MACROD2: variants seen among roughly 807,000 people sequenced by gnomAD.
MACROD2 encodes the protein mono-ADP ribosylhydrolase 2.
MACROD2 carries 36 observed loss-of-function variants against 70.4 expected under a neutral mutation model. The observed-to-expected ratio is 0.51, with a 90% CI of 0.39 to 0.68. The LOEUF (loss-of-function observed/expected upper bound fraction) is 0.68, where lower values mean the gene tolerates loss of function less well. Among genes scored for constraint, MACROD2 ranks in the 30% least tolerant of loss-of-function variants. MACROD2 has a pLI of 0.00. For synonymous variants in MACROD2, 172 were observed against 178.8 expected (o/e 0.96, Z 0.30); for missense variants, 496 against 538.4 (o/e 0.92, Z 0.78).
chr20:15,833,650 T>A (rs2064081905), intron 8 of MACROD2, among the ~76,000 whole-genome samples: 1 of 152,192 alleles, frequency 6.6e-6, no homozygotes, highest in East Asian at 1.9e-4. Flanking sequence ...AAAGATATTC[T>A]TAAAACAGGG....
chr20:14,383,066 C>T (rs542291497), intron 3 of MACROD2, among the ~76,000 whole-genome samples: 3 of 152,254 alleles, frequency 2.0e-5, no homozygotes, highest in South Asian at 2.1e-4. Flanking sequence ...AAAATTGATG[C>T]GTTCTTCAAG....
chr20:14,327,564 A>C (rs2122584681), intron 3 of MACROD2: 2 of 1,514,266 alleles, frequency 1.3e-6, no homozygotes, highest in East Asian at 2.3e-5. Context: ...GAACCCTAAA[A>C]TGAAGTGAGT....
intron 8 of MACROD2, among the ~76,000 whole-genome samples, chr20:15,658,979 T>A (rs554867121): frequency 6.6e-6 from 1 of 152,340 alleles, no homozygotes; most frequent in African/African-American, 2.4e-5. Flanking sequence ...AGACATATAG[T>A]AACATAGTTG....
At chr20:14,579,754 A>G (rs187833910) in intron 4 of MACROD2, among the ~76,000 whole-genome samples, 1 of 152,324 alleles carries the variant, frequency 6.6e-6, no homozygotes, top group East Asian at 1.9e-4. Context: ...ATATCTTTGT[A>G]TACTTGAATT....
Position 14,713,942 on chromosome 20 carries a change from G to A in MACROD2, c.418+28983G>A, listed in dbSNP as rs549005491. Among the ~76,000 whole-genome samples, 5 of 152,268 alleles carry A rather than the reference G, an allele frequency of 3.3e-5. No homozygotes were observed. In the East Asian group the frequency reaches 9.7e-4, roughly 29 times the overall value. ...AGGATGGGCAGGATTTAGACAGGGA[G>A]AACAGAGGTGGGAGATGAATTCAGG... On this transcript the variant is annotated intron_variant, in intron 5 of 17. Transcript: ENST00000684519.
At chr20:15,877,705 CTAA>C (rs2064695438) in intron 9 of MACROD2, among the ~76,000 whole-genome samples, 1 of 152,086 alleles carries the variant, frequency 6.6e-6, no homozygotes, top group Admixed American at 6.6e-5. Flanking sequence ...TTTATTTTTG[CTAA>C]TAATATTTCT....
intron 4 of MACROD2, among the ~76,000 whole-genome samples, chr20:14,556,753 AT>A (rs370654647): frequency 6.6e-6 from 1 of 152,032 alleles, no homozygotes; most frequent in Non-Finnish European, 1.5e-5. Context: ...CAAGATAGAA[AT>A]TTTTAATATG....
intron 8 of MACROD2, among the ~76,000 whole-genome samples, chr20:15,733,900 T>A (rs1332121199): frequency 6.6e-6 from 1 of 152,200 alleles, no homozygotes; most frequent in Non-Finnish European, 1.5e-5. Context: ...TGCCAGCCAT[T>A]GAGATCATTA....
At chr20:15,127,042 C>T (rs1450383474) in intron 5 of MACROD2, among the ~76,000 whole-genome samples, 1 of 152,008 alleles carries the variant, frequency 6.6e-6, no homozygotes, top group Non-Finnish European at 1.5e-5. Flanking sequence ...TTATGTACAC[C>T]TAGGGCAGAA....
chr20:14,005,574 A>G (rs2052803785), intron 2 of MACROD2, among the ~76,000 whole-genome samples: 2 of 151,368 alleles, frequency 1.3e-5, no homozygotes, highest in African/African-American at 4.9e-5. Flanking sequence ...AGAGTTAATA[A>G]TCTACAAGGG....
chr20:14,196,963 G>A (rs1338219582), intron 3 of MACROD2, among the ~76,000 whole-genome samples: 1 of 152,150 alleles, frequency 6.6e-6, no homozygotes, highest in East Asian at 1.9e-4. Flanking sequence ...AGATGGAGAG[G>A]GTGAGTAGTT....
intron 5 of MACROD2, among the ~76,000 whole-genome samples, chr20:15,149,162 G>A (rs938285537): frequency 1.3e-5 from 2 of 152,048 alleles, no homozygotes; most frequent in African/African-American, 2.4e-5. Flanking sequence ...CTTGAGCTTG[G>A]TGTGTAGGGA....
intron 10 of MACROD2, among the ~76,000 whole-genome samples, chr20:15,906,646 T>C (rs1201335862): frequency 6.6e-6 from 1 of 152,040 alleles, no homozygotes; most frequent in Non-Finnish European, 1.5e-5. Context: ...TGCTGCCACA[T>C]CTCTTTATTC....
At chr20:15,686,000 T>C (rs917469132) in intron 8 of MACROD2, among the ~76,000 whole-genome samples, 1 of 152,146 alleles carries the variant, frequency 6.6e-6, no homozygotes, top group African/African-American at 2.4e-5. Flanking sequence ...TAGTTATCAA[T>C]AAATGTCTGT....
chr20:15,887,889 G>A (rs2064842224), intron 10 of MACROD2, among the ~76,000 whole-genome samples: 1 of 152,096 alleles, frequency 6.6e-6, no homozygotes, highest in Non-Finnish European at 1.5e-5. Context: ...ATTGGTGTGT[G>A]TTTTACATAC....
At chr20:14,238,855 C>T (rs1257123523) in intron 3 of MACROD2, among the ~76,000 whole-genome samples, 9 of 151,848 alleles carry the variant, frequency 5.9e-5, no homozygotes, top group Admixed American at 4.6e-4. Context: ...GGTAAAACCT[C>T]GTCTCTAATA....
At chr20:16,023,886 C>T (rs2067039784) in intron 15 of MACROD2, among the ~76,000 whole-genome samples, 1 of 152,080 alleles carries the variant, frequency 6.6e-6, no homozygotes, top group Non-Finnish European at 1.5e-5. Context: ...GCTCAGGACC[C>T]CTGGGCTGTC....
intron 9 of MACROD2, among the ~76,000 whole-genome samples, chr20:15,876,840 T>C (rs1450294109): frequency 2.6e-5 from 4 of 152,180 alleles, no homozygotes; most frequent in African/African-American, 7.2e-5. Context: ...ATTGTGGTTT[T>C]GATTTGCATT....
intron 2 of MACROD2, among the ~76,000 whole-genome samples, chr20:14,050,525 A>G (rs1374999633): frequency 2.3e-5 from 3 of 132,580 alleles, no homozygotes; most frequent in African/African-American, 8.4e-5. Flanking sequence ...TCTATAGGAG[A>G]AACCCAGGCC....
Sources: allele counts gnomAD v4.1 joint callset (sites outside exome capture counted in the v4.1 genomes callset), GRCh38; gene constraint gnomAD v4.1.1; transcripts MANE v1.5; gene names NCBI Gene and HGNC (gene_info 2026-07-23, HGNC 2026-07-21).